The following FBXO33 variants were observed in gnomAD, a reference collection of about 807,000 sequenced individuals.
FBXO33 encodes the protein F-box protein 33, also known as F-box only protein 33.
A neutral mutation model predicts 46.3 loss-of-function variants in FBXO33; 22 were observed. The observed-to-expected ratio is 0.48, with a 90% confidence interval of 0.34 to 0.68. The LOEUF (loss-of-function observed/expected upper bound fraction) is 0.68, where lower values mean the gene tolerates loss of function less well. Among genes scored for constraint, FBXO33 ranks in the 30% least tolerant of loss-of-function variants. The pLI, the probability that FBXO33 is intolerant of heterozygous loss-of-function variation, is 0.01. For synonymous variants in FBXO33, 337 were observed against 291.3 expected (o/e 1.16, Z -1.60); for missense variants, 692 against 708.8 (o/e 0.98, Z 0.27).
chr14:39,400,828 C>T (rs1246534030), intron 3 of FBXO33, among the ~76,000 whole-genome samples: 1 of 152,174 alleles, frequency 6.6e-6, no homozygotes, highest in Non-Finnish European at 1.5e-5. Flanking sequence ...ATCATACATT[C>T]TCTTCCCCCG....
rs1173618281 is a variant in FBXO33, at chr14:39,431,831, A to G, written c.332T>C (p.Leu111Pro). The change falls in exon 1 of 4, where the codon CTC becomes CCC. Residue 111 changes from leucine to proline, a missense_variant. Around this residue, in one of 3 missense-constraint regions of FBXO33, gnomAD observed 412 missense variants for 370.8 expected, o/e 1.11. Coordinates refer to ENST00000298097, the MANE Select transcript of FBXO33 (RefSeq NM_203301.4). ...GGGCGAGACGCGGAGGCAGATGCGGAGCTGGGGCCACAGGGCCGGATAGAA... is the reference window on the plus strand; with the variant it reads ...GGGCGAGACGCGGAGGCAGATGCGGGGCTGGGGCCACAGGGCCGGATAGAA... ...CLFYPALWPQ[L>P]RICLRVSPAE... 6.2e-7 allele frequency: 1 copy of G among 1,607,354 alleles called. No individual in the cohort carries two copies. The highest frequency in any genetic ancestry group is 8.5e-7 in the Non-Finnish European group (1 of 1,178,990).
At position 39,402,439 on chromosome 14, in the gene FBXO33, G is replaced by A; in HGVS notation, c.672C>T (p.Tyr224=). 2 of 1,580,464 alleles carry A rather than the reference G, an allele frequency of 1.3e-6. No homozygotes were observed. The highest frequency in any genetic ancestry group is 1.7e-6 in the Non-Finnish European group (2 of 1,162,870). Residue 224 remains tyrosine (Y), a synonymous_variant, in exon 2 of 4, where the codon TAC becomes TAT. Transcript: ENST00000298097. ...LQQQGSLSNT[Y]LSKVDPDGKK... The stretch of plus-strand genomic sequence containing the variant: ...TGCCATCAGGGTCCACCTTGCTGAG[G>A]TATGTATTTGACAAACTTCCTTGCT...
At position 39,402,560 on chromosome 14, in the gene FBXO33, AAAATAT is replaced by A. The variant is rs768221071; in HGVS notation, c.600-55_600-50del. On this transcript the variant is annotated intron_variant, in intron 1 of 3. Transcript: ENST00000298097. ...GATTTGCTAAATAATTTATACTTAA[AAAATAT>A]AAATATAAAAAATAAGAATATGCAA... 1.5e-4 allele frequency: 138 copies of A among 900,394 alleles called. No homozygotes were observed. The African/African-American group carries it at 1.7e-3, about 11-fold the overall frequency. 55.8% of individuals were successfully genotyped at this position (900,394 alleles called of 1,614,324 possible).
chr14:39,410,008 T>C (rs954329667), intron 1 of FBXO33, among the ~76,000 whole-genome samples: 1 of 152,194 alleles, frequency 6.6e-6, no homozygotes, highest in African/African-American at 2.4e-5. Context: ...TCTTTTCAGA[T>C]TTGGATGCTT....
At chr14:39,410,773 G>C (rs1461728194) in intron 1 of FBXO33, among the ~76,000 whole-genome samples, 1 of 152,020 alleles carries the variant, frequency 6.6e-6, no homozygotes, top group Non-Finnish European at 1.5e-5. Flanking sequence ...ATGTTTCTAT[G>C]AATTTATTTA....
chr14:39,404,119 A>C (rs529448333), intron 1 of FBXO33, among the ~76,000 whole-genome samples: 1 of 152,292 alleles, frequency 6.6e-6, no homozygotes, highest in East Asian at 1.9e-4. Context: ...CAATGATTCT[A>C]AAATTTAGCT....
intron 1 of FBXO33, among the ~76,000 whole-genome samples, chr14:39,407,164 T>G (rs1350161709): frequency 6.6e-6 from 1 of 152,176 alleles, no homozygotes; most frequent in Non-Finnish European, 1.5e-5. Context: ...AAAAACAACT[T>G]TTTACAGTAG....
intron 1 of FBXO33, among the ~76,000 whole-genome samples, chr14:39,410,972 G>A (rs1028740583): frequency 2.2e-5 from 3 of 138,872 alleles, no homozygotes; most frequent in East Asian, 2.7e-4. Context: ...CCTTACTACC[G>A]CTTTTTCTAG....
At chr14:39,404,301 G>A (rs1489503447) in intron 1 of FBXO33, among the ~76,000 whole-genome samples, 1 of 152,138 alleles carries the variant, frequency 6.6e-6, no homozygotes, top group East Asian at 1.9e-4. Context: ...GGGAGAGCAG[G>A]CGTCCCTAAA....
chr14:39,406,423 A>T (rs1048725221), intron 1 of FBXO33, among the ~76,000 whole-genome samples: 12 of 152,324 alleles, frequency 7.9e-5, no homozygotes, highest in Non-Finnish European at 1.6e-4. Flanking sequence ...TTCCCTCTGT[A>T]AACAACTATA....
chr14:39,399,680 G>T lies in FBXO33; in HGVS notation c.1504C>A (p.Leu502Met), dbSNP rs754472413. Reference sequence around the variant, plus strand: ...ACTGGATCTACATCCTGGTCGGCCAGTTCACCTTGGTCAAAATCAATGCTT... The same window carrying T: ...ACTGGATCTACATCCTGGTCGGCCATTTCACCTTGGTCAAAATCAATGCTT... ...EESIDFDQGE[L>M]ADQDVDPVHN... Residue 502 changes from leucine to methionine, a missense_variant, in exon 4 of 4, where the codon CTG becomes ATG. Leu to Met is a conservative substitution (Grantham distance 15). This residue lies in a region of FBXO33 where 94 missense variants were observed against 91.9 expected (regional missense o/e 1.02). Transcript: ENST00000298097. The T allele has an allele frequency of 6.2e-7, 1 of 1,613,934 alleles. No individual in the cohort carries two copies. Among genetic ancestry groups the T allele is most frequent in the African/African-American group, 1.3e-5 (1 of 74,926 alleles).
chr14:39,412,688 G>T (rs999590659), intron 1 of FBXO33, among the ~76,000 whole-genome samples: 5 of 152,034 alleles, frequency 3.3e-5, no homozygotes, highest in African/African-American at 1.2e-4. Context: ...TCTACCACAG[G>T]CATAACTTGC....
intron 1 of FBXO33, among the ~76,000 whole-genome samples, chr14:39,415,104 T>C (rs1048749859): frequency 5.3e-5 from 8 of 152,118 alleles, no homozygotes; most frequent in African/African-American, 1.9e-4. Flanking sequence ...ATTACAATAG[T>C]AACATCAAAG....
chr14:39,407,667 T>TTA (rs1429023276), intron 1 of FBXO33, among the ~76,000 whole-genome samples: 1 of 152,226 alleles, frequency 6.6e-6, no homozygotes, highest in Non-Finnish European at 1.5e-5. Flanking sequence ...TTCCATTGCA[T>TTA]GTCTATATCA....
At position 39,431,774 on chromosome 14, in the gene FBXO33, C is replaced by T. The variant is rs539024932; in HGVS notation, c.389G>A (p.Arg130His). Reference sequence around the variant, plus strand: ...CTCTCGCACGAACCAGCCGCACTTGCGCATGAGGAATTCCAGCCGAGGCTG... The same window carrying T: ...CTCTCGCACGAACCAGCCGCACTTGTGCATGAGGAATTCCAGCCGAGGCTG... ...AEQPRLEFLM[R>H]KCGWFVRELR... Residue 130 changes from arginine (R) to histidine (H), a missense_variant, in exon 1 of 4, where the codon CGC becomes CAC. Coordinates refer to ENST00000298097, the MANE Select transcript of FBXO33 (RefSeq NM_203301.4). 26 of 1,612,778 alleles carry T rather than the reference C, an allele frequency of 1.6e-5. No homozygotes were observed. In the South Asian group the frequency reaches 1.9e-4, roughly 12 times the overall value.
chr14:39,401,323 G>C lies in FBXO33; in HGVS notation c.1249C>G (p.Gln417Glu). Residue 417 changes from glutamine (Q) to glutamate (E), a missense_variant, in exon 3 of 4, where the codon CAA (glutamine) becomes GAA (glutamate). Around this residue, in one of 3 missense-constraint regions of FBXO33, gnomAD observed 186 missense variants for 246.1 expected, o/e 0.76. Coordinates refer to ENST00000298097, the MANE Select transcript of FBXO33 (RefSeq NM_203301.4). The stretch of plus-strand genomic sequence containing the variant: ...AAATGAGTGAGGAACTTGTCATATT[G>C]CCTGGATATAAGATCAACAATAGCC... Reference protein sequence around the residue: ...SGAIVDLISRQYDKFLTHFIL... With the variant: ...SGAIVDLISREYDKFLTHFIL... 1 of 1,614,076 alleles carries C rather than the reference G, an allele frequency of 6.2e-7. No homozygotes were observed. Among genetic ancestry groups the C allele is most frequent in the Non-Finnish European group, 8.5e-7 (1 of 1,179,994 alleles).
chr14:39,404,574 C>T (rs1237750442), intron 1 of FBXO33, among the ~76,000 whole-genome samples: 1 of 151,968 alleles, frequency 6.6e-6, no homozygotes, highest in Non-Finnish European at 1.5e-5. Flanking sequence ...GATCCACCCG[C>T]CTTGGCCTCC....
chr14:39,399,860 C>CCTG, intron 3 of FBXO33, 73 bp from the exon 4 acceptor site: 1 of 1,426,464 alleles, frequency 7.0e-7, no homozygotes, highest in South Asian at 1.7e-5. Flanking sequence ...CTGTCTTTTC[C>CCTG]TCATTCAAAG....
Position 39,398,307 on chromosome 14 carries a change from T to C in FBXO33, c.*1209A>G, listed in dbSNP as rs1340996135. 1 of 152,660 alleles carries C rather than the reference T, an allele frequency of 6.6e-6. No individual in the cohort carries two copies. Among genetic ancestry groups the C allele is most frequent in the Non-Finnish European group, 1.5e-5 (1 of 68,038 alleles). 9.5% of individuals were successfully genotyped at this position (152,660 alleles called of 1,614,324 possible). A position where few individuals can be genotyped will look rare whatever the true frequency, so the allele number is the denominator to read the frequency against. ...TGCCCTGAAACAGTTAATAGGCTTTTAAAGCCTCTCAGATATAACAAGGTT... is the reference window on the plus strand; with the variant it reads ...TGCCCTGAAACAGTTAATAGGCTTTCAAAGCCTCTCAGATATAACAAGGTT... On this transcript the variant is annotated 3_prime_UTR_variant, in exon 4 of 4. Coordinates refer to ENST00000298097, the MANE Select transcript of FBXO33 (RefSeq NM_203301.4).
Sources: gnomAD v4.1 joint callset for allele counts (sites outside exome capture counted in the v4.1 genomes callset) on GRCh38, gnomAD v4.1.1 for gene constraint, gnomAD v4.1.1 regional missense constraint, MANE v1.5 for transcripts, NCBI Gene and HGNC (gene_info 2026-07-23, HGNC 2026-07-21) for gene names.